TMEM132B: variants seen among roughly 807,000 people sequenced by gnomAD.
The protein encoded by TMEM132B is transmembrane protein 132B.
TMEM132B carries 18 observed loss-of-function variants against 90.8 expected under a neutral mutation model. The observed-to-expected ratio is 0.20, with a 90% CI of 0.14 to 0.29. The LOEUF (loss-of-function observed/expected upper bound fraction) is 0.29, where lower values mean the gene tolerates loss of function less well. Among genes scored for constraint, TMEM132B ranks in the 10% least tolerant of loss-of-function variants. The probability of loss-of-function intolerance (pLI) is 1.00; values close to 1 mark genes in which losing one functional copy is unlikely to be tolerated. For missense variants in TMEM132B, 1,096 were observed against 1,326.8 expected, an observed-to-expected ratio of 0.83 and a Z score of 2.70; for synonymous variants, 504 against 523.3, an observed-to-expected ratio of 0.96 and a Z score of 0.50.
At chr12:125,219,845 G>T (rs531212955) in intron 1 of TMEM132B, among the ~76,000 whole-genome samples, 8 of 152,362 alleles carry the variant, frequency 5.3e-5, no homozygotes, top group African/African-American at 1.7e-4. Flanking sequence ...ATCTGAAGGA[G>T]CCACTGTTTC....
At chr12:125,335,920 G>A (rs149349397) in intron 1 of TMEM132B, among the ~76,000 whole-genome samples, 2,714 of 152,264 alleles carry the variant, frequency 0.018, 83 homozygotes, top group African/African-American at 0.062. Flanking sequence ...CTGGGAGGGG[G>A]AGGTGGCAGT....
chr12:125,245,273 GC>G (rs1219185290), intron 1 of TMEM132B, among the ~76,000 whole-genome samples: 3 of 136,496 alleles, frequency 2.2e-5, no homozygotes, highest in Admixed American at 7.9e-5. Flanking sequence ...CCCCCAGGCA[GC>G]CCCCCACTGC....
intron 6 of TMEM132B, among the ~76,000 whole-genome samples, chr12:125,647,992 T>A (rs547710568): frequency 6.7e-6 from 1 of 149,900 alleles, no homozygotes; most frequent in African/African-American, 2.5e-5. Flanking sequence ...CATGCTGGTG[T>A]GCTGCACCCA....
At chr12:125,506,132 TGATGAATA>T (rs1882843148) in intron 3 of TMEM132B, among the ~76,000 whole-genome samples, 1 of 152,232 alleles carries the variant, frequency 6.6e-6, no homozygotes. Context: ...GTGCATTAAC[TGATGAATA>T]GATAAACGAA....
chr12:125,263,767 G>A (rs934906963), intron 1 of TMEM132B, among the ~76,000 whole-genome samples: 2 of 152,226 alleles, frequency 1.3e-5, no homozygotes, highest in Admixed American at 1.3e-4. Context: ...CCTGGGAGAT[G>A]TGATTGGATG....
At chr12:125,278,994 G>A (rs906128782) in intron 1 of TMEM132B, among the ~76,000 whole-genome samples, 2 of 152,166 alleles carry the variant, frequency 1.3e-5, no homozygotes, top group East Asian at 3.9e-4. Context: ...CCTCTAGCCC[G>A]GCACTGAGAA....
intron 1 of TMEM132B, among the ~76,000 whole-genome samples, chr12:125,315,388 G>C (rs927693324): frequency 6.6e-6 from 1 of 152,102 alleles, no homozygotes; most frequent in African/African-American, 2.4e-5. Context: ...TAGTAGAGAC[G>C]GGGTTTCACC....
At chr12:125,188,866 A>AAAG (rs1165045129) in intron 1 of TMEM132B, among the ~76,000 whole-genome samples, 71 of 150,102 alleles carry the variant, frequency 4.7e-4, no homozygotes, top group African/African-American at 1.6e-3. Context: ...AAAAAAAAAA[A>AAAG]AAAAAAAGAA....
intron 1 of TMEM132B, among the ~76,000 whole-genome samples, chr12:125,295,540 GAGAC>G (rs1393917259): frequency 4.3e-4 from 63 of 147,612 alleles, no homozygotes; most frequent in African/African-American, 1.5e-3. Context: ...GAGAGAGAGA[GAGAC>G]AGAGACAGAG....
At chr12:125,517,165 CTCTT>C (rs1337533033) in intron 3 of TMEM132B, among the ~76,000 whole-genome samples, 1 of 149,828 alleles carries the variant, frequency 6.7e-6, no homozygotes, top group East Asian at 1.9e-4. Flanking sequence ...TTCTCTCTCT[CTCTT>C]TTTTTTTTTT....
At chr12:125,292,836 C>G (rs561411207) in intron 1 of TMEM132B, among the ~76,000 whole-genome samples, 12 of 152,336 alleles carry the variant, frequency 7.9e-5, no homozygotes, top group Non-Finnish European at 1.2e-4. Context: ...ATGTACCTGC[C>G]TCTGAACTCA....
At chr12:125,603,152 A>T (rs1441487212) in intron 5 of TMEM132B, among the ~76,000 whole-genome samples, 1 of 152,192 alleles carries the variant, frequency 6.6e-6, no homozygotes, top group Non-Finnish European at 1.5e-5. Flanking sequence ...TAGCCAAGAA[A>T]ATCTTAAGTG....
intron 3 of TMEM132B, among the ~76,000 whole-genome samples, chr12:125,426,000 T>A (rs139914638): frequency 6.6e-6 from 1 of 152,352 alleles, no homozygotes; most frequent in East Asian, 1.9e-4. Flanking sequence ...TAAGAATATG[T>A]TTAGTTTTGT....
rs138766621 is a variant in TMEM132B, at chr12:125,198,177, G to A, written c.67+11311G>A. ...GCTTATGATATTTTAAGTTTCCAAT[G>A]TGATGCTGCAATGGAGATGATGTGC... is the stretch of plus-strand genomic sequence containing the variant. On this transcript the variant is annotated intron_variant, in intron 1 of 8. Coordinates refer to ENST00000682704, the MANE Select transcript of TMEM132B (RefSeq NM_001366854.1). Among the ~76,000 whole-genome samples, 19 of 152,310 alleles carry A rather than the reference G, an allele frequency of 1.2e-4. 1 individual carries two copies. The East Asian group carries it at 3.7e-3, about 29-fold the overall frequency.
rs1887081886 is a variant in TMEM132B, at chr12:125,657,033, A to T, written c.*2323A>T. 1 of 152,176 alleles carries T rather than the reference A, an allele frequency of 6.6e-6. No homozygotes were observed. The highest frequency in any genetic ancestry group is 1.5e-5 in the Non-Finnish European group (1 of 68,026). The allele number at this position is 152,176 out of a possible 1,614,324, so 9.4% of individuals were successfully genotyped here. A position where few individuals can be genotyped will look rare whatever the true frequency, so the allele number is the denominator to read the frequency against. On this transcript the variant is annotated 3_prime_UTR_variant, in exon 9 of 9. Transcript: ENST00000682704. ...CATGGGGAGTGTTATTCAGGAACAT[A>T]AAAATTAGAGCATTCCCTCTGATGG...
rs551374935 is a variant in TMEM132B, at chr12:125,515,611, CAT to C, written c.1107-3825_1107-3824del. Among the ~76,000 whole-genome samples, 40 of 150,252 alleles carry C rather than the reference CAT, an allele frequency of 2.7e-4. 1 individual carries two copies. Among genetic ancestry groups the C allele is most frequent in the South Asian group, 4.4e-4 (2 of 4,544 alleles). ...CCCTCTCACACACACTCATACAACACATATTCACACATTTAGTCACACACATT... is the reference window on the plus strand; with the variant it reads ...CCCTCTCACACACACTCATACAACACATTCACACATTTAGTCACACACATT... On this transcript the variant is annotated intron_variant, in intron 3 of 8. Coordinates refer to ENST00000682704, the MANE Select transcript of TMEM132B (RefSeq NM_001366854.1).
At chr12:125,395,181 A>AT (rs1335658251) in intron 2 of TMEM132B, among the ~76,000 whole-genome samples, 1 of 152,218 alleles carries the variant, frequency 6.6e-6, no homozygotes, top group Non-Finnish European at 1.5e-5. Context: ...TATCCAGTGC[A>AT]TCAGGGTGAA....
rs1048507971 is a variant in TMEM132B at position 125,656,533 on chromosome 12, G to A, written c.*1823G>A. On this transcript the variant is annotated 3_prime_UTR_variant, in exon 9 of 9. Coordinates refer to ENST00000682704, the MANE Select transcript of TMEM132B (RefSeq NM_001366854.1). ...ATGTAGGCCTGACCTCCAGAGCCCAGCGTTCAGTTAGTTGTATAAAATGGG... is the reference window on the plus strand; with the variant it reads ...ATGTAGGCCTGACCTCCAGAGCCCAACGTTCAGTTAGTTGTATAAAATGGG... The A allele has an allele frequency of 1.3e-5, 2 of 152,248 alleles. No homozygotes were observed. Among genetic ancestry groups the A allele is most frequent in the Non-Finnish European group, 2.9e-5 (2 of 68,098 alleles). The allele number at this position is 152,248 out of a possible 1,614,324, so 9.4% of individuals were successfully genotyped here.
At chr12:125,434,818 G>T (rs1286928824) in intron 3 of TMEM132B, among the ~76,000 whole-genome samples, 2 of 147,872 alleles carry the variant, frequency 1.4e-5, no homozygotes, top group African/African-American at 2.6e-5. Flanking sequence ...TCCTTTTATT[G>T]TAAACCCCTG....
Sources: gnomAD v4.1 joint callset for allele counts (sites outside exome capture counted in the v4.1 genomes callset) on GRCh38, gnomAD v4.1.1 for gene constraint, MANE v1.5 for transcripts, NCBI Gene and HGNC (gene_info 2026-07-23, HGNC 2026-07-21) for gene names.